Variants in ZNF804B observed in about 807,000 individuals in gnomAD.
ZNF804B encodes the protein zinc finger protein 804B.
ZNF804B carries 80 observed loss-of-function variants against 101.4 expected under a neutral mutation model. That is an observed-to-expected ratio of 0.79 (90% confidence interval 0.66 to 0.95). The LOEUF is 0.95. Among genes scored for constraint, ZNF804B ranks in the 40% least tolerant of loss-of-function variants. The probability of loss-of-function intolerance (pLI) is 0.00; values close to 1 mark genes in which losing one functional copy is unlikely to be tolerated. For missense variants in ZNF804B, 1,673 were observed against 1,561.9 expected (o/e 1.07, Z -1.20); for synonymous variants, 622 against 558.8 (o/e 1.11, Z -1.59).
chr7:89,027,829 C>T (rs1788774239), intron 1 of ZNF804B, among the ~76,000 whole-genome samples: 2 of 152,250 alleles, frequency 1.3e-5, no homozygotes, highest in East Asian at 1.9e-4. Flanking sequence ...GAGTGTCCAG[C>T]CCAAGAGCTC....
intron 1 of ZNF804B, among the ~76,000 whole-genome samples, chr7:89,164,170 G>A (rs1791109144): frequency 6.6e-6 from 1 of 151,900 alleles, no homozygotes; most frequent in Admixed American, 6.6e-5. Flanking sequence ...TTATTAGCAT[G>A]TAAGTGACTC....
rs190805718 is a variant in ZNF804B, at chr7:88,898,385, C to G, written c.108+138301C>G. Reference sequence around the variant, plus strand: ...ACAGGCGTGAGCCACAGCGCCCGGCCAGTTCTCCATTCTTATGGCTTCATC... The same window carrying G: ...ACAGGCGTGAGCCACAGCGCCCGGCGAGTTCTCCATTCTTATGGCTTCATC... On this transcript the variant is annotated intron_variant, in intron 1 of 3. Coordinates refer to ENST00000333190, the MANE Select transcript of ZNF804B (RefSeq NM_181646.5). Among the ~76,000 whole-genome samples, 309 of 152,118 alleles carry G rather than the reference C, an allele frequency of 2.0e-3. 1 individual carries two copies. Among genetic ancestry groups the G allele is most frequent in the African/African-American group, 7.2e-3 (299 of 41,514 alleles).
chr7:89,048,203 A>AC (rs1789142508), intron 1 of ZNF804B, among the ~76,000 whole-genome samples: 1 of 149,696 alleles, frequency 6.7e-6, no homozygotes, highest in East Asian at 2.0e-4. Context: ...GATGTTCACA[A>AC]ACACACACAC....
intron 2 of ZNF804B, among the ~76,000 whole-genome samples, chr7:89,299,438 T>C (rs574381580): frequency 7.2e-5 from 11 of 152,242 alleles, no homozygotes; most frequent in African/African-American, 2.6e-4. Context: ...TTGATGTTTA[T>C]AATGAAAATA....
intron 1 of ZNF804B, among the ~76,000 whole-genome samples, chr7:89,049,756 A>G (rs575771718): frequency 1.9e-4 from 29 of 152,304 alleles, no homozygotes; most frequent in Admixed American, 8.5e-4. Context: ...TCAGGCCTGT[A>G]ATCCCAGCAC....
intron 2 of ZNF804B, among the ~76,000 whole-genome samples, chr7:89,293,841 T>C (rs574675476): frequency 4.1e-4 from 62 of 152,284 alleles, no homozygotes; most frequent in Non-Finnish European, 4.6e-4. Flanking sequence ...AGAAGCTCAA[T>C]TGCATTTTGC....
chr7:89,078,503 C>T (rs1484672460), intron 1 of ZNF804B, among the ~76,000 whole-genome samples: 1 of 151,806 alleles, frequency 6.6e-6, no homozygotes, highest in Non-Finnish European at 1.5e-5. Context: ...ATTTGTTTTC[C>T]TACCATTCTT....
intron 1 of ZNF804B, among the ~76,000 whole-genome samples, chr7:88,789,297 G>C (rs797020180): frequency 3.9e-5 from 6 of 152,086 alleles, no homozygotes; most frequent in African/African-American, 1.4e-4. Context: ...AAAGTGAGTA[G>C]ACAGGCATAA....
chr7:89,039,873 TGA>T (rs1267340003), intron 1 of ZNF804B, among the ~76,000 whole-genome samples: 56 of 152,180 alleles, frequency 3.7e-4, no homozygotes, highest in African/African-American at 1.3e-3. Flanking sequence ...CTTTCATATG[TGA>T]TAAGTTGCTT....
At chr7:89,009,358 C>G (rs191624594) in intron 1 of ZNF804B, among the ~76,000 whole-genome samples, 1 of 152,078 alleles carries the variant, frequency 6.6e-6, no homozygotes, top group Admixed American at 6.6e-5. Context: ...TGTATCCACT[C>G]TCAATCTTCT....
intron 1 of ZNF804B, among the ~76,000 whole-genome samples, chr7:88,871,521 T>C (rs1398250384): frequency 6.6e-6 from 1 of 152,102 alleles, no homozygotes; most frequent in Non-Finnish European, 1.5e-5. Context: ...TGAAAATATA[T>C]ACTAATAAGA....
At chr7:89,173,001 G>A (rs1047419669) in intron 1 of ZNF804B, among the ~76,000 whole-genome samples, 4 of 152,092 alleles carry the variant, frequency 2.6e-5, no homozygotes, top group African/African-American at 9.7e-5. Context: ...CCAGGGCTTT[G>A]AGAGACGATA....
At chr7:88,800,193 A>T (rs1316904063) in intron 1 of ZNF804B, among the ~76,000 whole-genome samples, 1 of 152,092 alleles carries the variant, frequency 6.6e-6, no homozygotes, top group Non-Finnish European at 1.5e-5. Flanking sequence ...GTAGACAAAA[A>T]ATATATTTGA....
chr7:88,881,463 T>A (rs1203098832), intron 1 of ZNF804B, among the ~76,000 whole-genome samples: 1 of 152,134 alleles, frequency 6.6e-6, no homozygotes, highest in Non-Finnish European at 1.5e-5. Context: ...ATGCAGAGAT[T>A]TCATGGTCTA....
At chr7:88,922,562 T>A (rs546966578) in intron 1 of ZNF804B, among the ~76,000 whole-genome samples, 4 of 152,076 alleles carry the variant, frequency 2.6e-5, no homozygotes, top group African/African-American at 9.6e-5. Flanking sequence ...TCAACCCTTA[T>A]ACAAAATGGG....
intron 1 of ZNF804B, among the ~76,000 whole-genome samples, chr7:89,063,229 C>A (rs564456593): frequency 6.6e-6 from 1 of 152,002 alleles, no homozygotes; most frequent in Non-Finnish European, 1.5e-5. Context: ...TCTTTATCAT[C>A]ATGAAAATGG....
chr7:88,802,731 A>G (rs1051792354), intron 1 of ZNF804B, among the ~76,000 whole-genome samples: 2 of 151,780 alleles, frequency 1.3e-5, no homozygotes, highest in African/African-American at 4.8e-5. Context: ...AAAAAAAAAA[A>G]GGGAAAGAAT....
intron 1 of ZNF804B, among the ~76,000 whole-genome samples, chr7:88,823,165 G>T (rs997719211): frequency 1.3e-5 from 2 of 152,074 alleles, no homozygotes; most frequent in Non-Finnish European, 2.9e-5. Flanking sequence ...AGCCAAGATC[G>T]CATCACTGCA....
intron 1 of ZNF804B, among the ~76,000 whole-genome samples, chr7:89,157,940 AAATAT>A (rs1420709308): frequency 1.3e-5 from 2 of 152,218 alleles, no homozygotes; most frequent in African/African-American, 4.8e-5. Flanking sequence ...TTTCTTGCTC[AAATAT>A]ACTTGGTTTA....
Sources: allele counts gnomAD v4.1 joint callset (sites outside exome capture counted in the v4.1 genomes callset), GRCh38; gene constraint gnomAD v4.1.1; transcripts MANE v1.5; gene names NCBI Gene and HGNC (gene_info 2026-07-23, HGNC 2026-07-21).